Variants in HNRNPA1L2 observed in about 807,000 individuals in gnomAD.
The protein encoded by HNRNPA1L2 is heterogeneous nuclear ribonucleoprotein A1 like 2, also known as heterogeneous nuclear ribonucleoprotein A1-like 2.
A neutral mutation model predicts 18.2 loss-of-function variants in HNRNPA1L2; 10 were observed. The ratio of observed to expected loss-of-function variants is 0.55; its 90% CI spans 0.34 to 0.93. The LOEUF (loss-of-function observed/expected upper bound fraction) is 0.93. Among genes scored for constraint, HNRNPA1L2 ranks in the 40% least tolerant of loss-of-function variants. HNRNPA1L2 has a pLI of 0.02. For missense variants in HNRNPA1L2, 308 were observed against 394.4 expected (o/e 0.78, Z 1.85); for synonymous variants, 124 against 138.6 (o/e 0.89, Z 0.74).
At chr13:52,641,618 T>C (rs559184423), upstream of HNRNPA1L2, 16 of 152,330 alleles carry the variant, frequency 1.1e-4, no homozygotes, top group South Asian at 3.3e-3. Context: ...TCTTATTCTC[T>C]GTTTTCAACT....
the HNRNPA1L2 span, among the ~76,000 whole-genome samples, chr13:52,618,877 T>C: frequency 6.6e-6 from 1 of 152,256 alleles, no homozygotes; most frequent in Non-Finnish European, 1.5e-5. Context: ...TACTTATACA[T>C]AATTTTCCTG....
the HNRNPA1L2 span, among the ~76,000 whole-genome samples, chr13:52,633,567 C>T: frequency 6.6e-6 from 1 of 152,116 alleles, no homozygotes; most frequent in African/African-American, 2.4e-5. Context: ...TGTATATGGA[C>T]TTAGGAGGCT....
At chr13:52,630,572 A>C in the HNRNPA1L2 span, among the ~76,000 whole-genome samples, 1 of 152,130 alleles carries the variant, frequency 6.6e-6, no homozygotes, top group Non-Finnish European at 1.5e-5. Context: ...CGCCCGGCCT[A>C]ACCTGTCTTT....
upstream of HNRNPA1L2, chr13:52,640,727 G>T (rs1195819913): frequency 6.6e-6 from 1 of 152,202 alleles, no homozygotes; most frequent in Non-Finnish European, 1.5e-5. Flanking sequence ...ACCAGCCAGT[G>T]GCTCTCACCG....
the HNRNPA1L2 span, among the ~76,000 whole-genome samples, chr13:52,625,467 T>G: frequency 6.6e-6 from 1 of 152,156 alleles, no homozygotes; most frequent in Non-Finnish European, 1.5e-5. Flanking sequence ...TGAAGAAAGA[T>G]CCTTGTATGT....
the HNRNPA1L2 span, among the ~76,000 whole-genome samples, chr13:52,634,868 T>A: frequency 2.0e-5 from 3 of 152,146 alleles, no homozygotes; most frequent in African/African-American, 7.2e-5. Flanking sequence ...AGTATGTACA[T>A]CTGAAGGATC....
At chr13:52,634,036 T>C in the HNRNPA1L2 span, among the ~76,000 whole-genome samples, 1 of 152,236 alleles carries the variant, frequency 6.6e-6, no homozygotes, top group Non-Finnish European at 1.5e-5. Flanking sequence ...AATTCTTTTT[T>C]GAAGAAACTG....
chr13:52,632,933 C>G, the HNRNPA1L2 span, among the ~76,000 whole-genome samples: 1 of 152,226 alleles, frequency 6.6e-6, no homozygotes, highest in East Asian at 1.9e-4. Context: ...ATGGCCTTGG[C>G]TCCCTGCCCA....
the HNRNPA1L2 span, chr13:52,617,727 C>A: frequency 2.3e-6 from 1 of 432,514 alleles, no homozygotes; most frequent in Admixed American, 4.1e-5. Flanking sequence ...CTCGGGCATC[C>A]CTGTGCCCCG....
the HNRNPA1L2 span, among the ~76,000 whole-genome samples, chr13:52,634,655 A>G: frequency 6.6e-6 from 1 of 152,278 alleles, no homozygotes; most frequent in East Asian, 1.9e-4. Context: ...CGATTGAATG[A>G]GTTATTCTGT....
the HNRNPA1L2 span, among the ~76,000 whole-genome samples, chr13:52,632,652 T>G: frequency 6.6e-6 from 1 of 152,152 alleles, no homozygotes; most frequent in Non-Finnish European, 1.5e-5. Flanking sequence ...AAGGAAAACT[T>G]GGGACTGTAA....
chr13:52,627,136 A>G, the HNRNPA1L2 span, among the ~76,000 whole-genome samples: 8 of 152,152 alleles, frequency 5.3e-5, no homozygotes, highest in Non-Finnish European at 1.0e-4. Flanking sequence ...TTTGCTTGCA[A>G]TATATATTGT....
chr13:52,632,262 T>G, the HNRNPA1L2 span, among the ~76,000 whole-genome samples: 1 of 152,260 alleles, frequency 6.6e-6, no homozygotes, highest in South Asian at 2.1e-4. Flanking sequence ...TGCACATTTC[T>G]GTTTTTAGTC....
chr13:52,639,903 T>G (rs1566162234), upstream of HNRNPA1L2, among the ~76,000 whole-genome samples: 3 of 129,926 alleles, frequency 2.3e-5, no homozygotes, highest in African/African-American at 6.1e-5. Context: ...TTTGTTTTTT[T>G]TTTTTTGAGA....
Position 52,642,463 on chromosome 13 carries a change from A to G in HNRNPA1L2, c.-30A>G. ...TGCCCGTGGACGCCGCTGAAGAAGC[A>G]TCGTTAAAGTCTCTCTTCACCTTGC... On this transcript the variant is annotated 5_prime_UTR_variant, in exon 1 of 1. Transcript: ENST00000357495. 1 of 1,609,944 alleles carries G rather than the reference A, an allele frequency of 6.2e-7. No homozygotes were observed. Among genetic ancestry groups the G allele is most frequent in the South Asian group, 1.1e-5 (1 of 90,776 alleles).
At chr13:52,630,984 T>A in the HNRNPA1L2 span, among the ~76,000 whole-genome samples, 1 of 152,194 alleles carries the variant, frequency 6.6e-6, no homozygotes, top group South Asian at 2.1e-4. Flanking sequence ...TTTAATATTT[T>A]AAAAATTAGG....
Position 52,643,078 on chromosome 13 carries a change from C to T in HNRNPA1L2, c.586C>T (p.Arg196Ter), listed in dbSNP as rs566360923. The T allele has an allele frequency of 7.5e-6, 12 of 1,597,378 alleles. No individual in the cohort carries two copies. Among genetic ancestry groups the T allele is most frequent in the East Asian group, 6.7e-5 (3 of 44,862 alleles). Residue 196 changes from arginine to a stop codon, truncating the protein, a stop_gained, in exon 1 of 1, where the codon CGA (arginine) becomes TGA (stop). Coordinates refer to ENST00000357495, the MANE Select transcript of HNRNPA1L2 (RefSeq NM_001389320.1). LOFTEE classifies it high-confidence loss of function. ...MASASSSQRG[R>*]RGSGNFGGGR... ...TAGTGCTTCATCCAGCCAAAGAGGT[C>T]GAAGGGGTTCTGGAAACTTTGGTGG...
chr13:52,639,455 A>G (rs1229630192), upstream of HNRNPA1L2, among the ~76,000 whole-genome samples: 8 of 152,158 alleles, frequency 5.3e-5, no homozygotes, highest in Admixed American at 2.0e-4. Context: ...AGCTGCGACA[A>G]ATTTAATGTT....
chr13:52,618,078 T>C, the HNRNPA1L2 span, among the ~76,000 whole-genome samples: 1,223 of 152,320 alleles, frequency 8.0e-3, 6 homozygotes, highest in African/African-American at 0.019. Flanking sequence ...GTACTGGTCA[T>C]AAACCCCAAG....
Sources: gnomAD v4.1 joint callset for allele counts (sites outside exome capture counted in the v4.1 genomes callset) on GRCh38, gnomAD v4.1.1 for gene constraint, MANE v1.5 for transcripts, NCBI Gene and HGNC (gene_info 2026-07-23, HGNC 2026-07-21) for gene names.